JADE3: variants seen among roughly 807,000 people sequenced by gnomAD.
JADE3 encodes protein Jade-3.
A neutral mutation model predicts 50.1 loss-of-function variants in JADE3; 2 were observed. That is an observed-to-expected ratio of 0.04 (90% confidence interval 0.02 to 0.13). The LOEUF is 0.13. Among genes scored for constraint, JADE3 ranks in the 10% least tolerant of loss-of-function variants. JADE3 has a pLI of 1.00. For synonymous variants in JADE3, 218 were observed against 232.9 expected (o/e 0.94, Z 0.58); for missense variants, 475 against 634.4 (o/e 0.75, Z 2.70).
At chrX:46,930,284 A>G (rs1926462273) in intron 1 of JADE3, among the ~76,000 whole-genome samples, 1 of 111,993 alleles carries the variant, frequency 8.9e-6, no homozygotes, top group Non-Finnish European at 1.9e-5. Context: ...CCAGTCATCA[A>G]CCAGCCATCA....
At chrX:46,917,888 C>CTCT (rs1569533793) in intron 1 of JADE3, among the ~76,000 whole-genome samples, 69 of 69,759 alleles carry the variant, frequency 9.9e-4, no homozygotes, top group African/African-American at 3.8e-3. Flanking sequence ...TCTCTCTCAT[C>CTCT]CTCTCTCTCT....
intron 4 of JADE3, among the ~76,000 whole-genome samples, chrX:47,012,445 G>C (rs1052847880): frequency 1.2e-4 from 13 of 110,576 alleles, no homozygotes; most frequent in Middle Eastern, 8.5e-3. Flanking sequence ...GCTAGCCATG[G>C]TGGCGCATAC....
rs782691987 is a variant in JADE3 at position 46,998,188 on chromosome X, T to C, written c.195T>C (p.Tyr65=). The C allele has an allele frequency of 8.5e-5, 102 of 1,201,174 alleles. No individual in the cohort carries two copies. In the East Asian group the frequency reaches 3.0e-3, roughly 35 times the overall value. Residue 65 remains tyrosine (Y), a synonymous_variant, in exon 4 of 11, where the codon TAT becomes TAC. Coordinates refer to ENST00000614628, the MANE Select transcript of JADE3 (RefSeq NM_014735.5). ...PDSHHINPDS[Y]YLFADTWKEE... is the part of the protein sequence containing the mutation. ...CTCACCACATTAATCCTGATAGCTA[T>C]TACCTCTTTGCTGATACATGGAAGG... is the stretch of plus-strand genomic sequence containing the variant.
chrX:47,042,934 G>A lies in JADE3; in HGVS notation c.972+3869G>A, dbSNP rs1929295616. Among the ~76,000 whole-genome samples the A allele has an allele frequency of 2.7e-5, 3 of 111,881 alleles. No homozygotes were observed. In the South Asian group the frequency reaches 1.1e-3, roughly 41 times the overall value. On this transcript the variant is annotated intron_variant, in intron 8 of 10. Transcript: ENST00000614628. The stretch of plus-strand genomic sequence containing the variant: ...GTGCTGGCTTTAGATCTGACTGGGT[G>A]CAGTCCCAGTGGTGGTGGCCATAGG...
chrX:47,001,031 C>T (rs1180217135), intron 4 of JADE3, among the ~76,000 whole-genome samples: 1 of 111,465 alleles, frequency 9.0e-6, no homozygotes, highest in Non-Finnish European at 1.9e-5. Context: ...TAGTTCTTTG[C>T]CTATCATACG....
At chrX:46,992,628 G>A (rs1556356288) in intron 3 of JADE3, among the ~76,000 whole-genome samples, 1 of 111,379 alleles carries the variant, frequency 9.0e-6, no homozygotes, top group African/African-American at 3.3e-5. Context: ...TTATAAAAAC[G>A]GGAGGTTGTT....
In JADE3 at chrX:47,058,841, T is replaced by C. The variant is rs35292182; in HGVS notation, c.2236T>C (p.Phe746Leu). 7.4e-3 allele frequency: 8,949 copies of C among 1,207,708 alleles called. 33 individuals carry two copies. Among genetic ancestry groups the C allele is most frequent in the Non-Finnish European group, 9.4e-3 (8,390 of 893,259 alleles). ...CAAGAATATGAGCCCCAAGGAGCAG[T>C]TCTGGGGTAGACAGGTTCTCAGGCG... ...PTKNMSPKEQ[F>L]WGRQVLRRSA... is the part of the protein sequence containing the mutation. Residue 746 changes from phenylalanine to leucine, a missense_variant, in exon 11 of 11, where the codon TTC (phenylalanine) becomes CTC (leucine). Around this residue, in one of 6 missense-constraint regions of JADE3, gnomAD observed 243 missense variants for 238.2 expected, o/e 1.02. Transcript: ENST00000614628.
chrX:47,027,546 T>C (rs1304968414), intron 5 of JADE3, among the ~76,000 whole-genome samples: 1 of 111,987 alleles, frequency 8.9e-6, no homozygotes, highest in Non-Finnish European at 1.9e-5. Context: ...TCCAGAATTA[T>C]AAAGCTTGGT....
In JADE3 at chrX:47,020,164, C is replaced by T. The variant is rs186341824; in HGVS notation, c.285-4560C>T. 6.3e-5 allele frequency among the ~76,000 whole-genome samples: 7 copies of T among 111,201 alleles called. No individual in the cohort carries two copies. The East Asian group carries it at 1.7e-3, about 27-fold the overall frequency. On this transcript the variant is annotated intron_variant, in intron 4 of 10. Coordinates refer to ENST00000614628, the MANE Select transcript of JADE3 (RefSeq NM_014735.5). ...TGGCCAACATGGTGAAACCCCATCT[C>T]TGCTAAAAATACAAAAATTAGCCTG...
At chrX:46,932,431 T>C (rs1926517314) in intron 1 of JADE3, among the ~76,000 whole-genome samples, 4 of 112,480 alleles carry the variant, frequency 3.6e-5, no homozygotes, top group Admixed American at 1.9e-4. Context: ...TTTAGCAATT[T>C]TATTCGAGCA....
At position 46,998,399 on chromosome X, in the gene JADE3, C is replaced by G. The variant is rs972326525; in HGVS notation, c.284+122C>G. 3 of 590,325 alleles carry G rather than the reference C, an allele frequency of 5.1e-6. No individual in the cohort carries two copies. The African/African-American group carries it at 6.9e-5, about 13-fold the overall frequency. 48.6% of individuals were successfully genotyped at this position (590,325 alleles called of 1,213,427 possible). On this transcript the variant is annotated intron_variant, in intron 4 of 10. Transcript: ENST00000614628. ...AGTACAAAGTCACATACCATTTTCA[C>G]CAATTCACTCAGACCAGTGGCAGAT...
chrX:46,970,945 A>G (rs1388936329), intron 1 of JADE3, among the ~76,000 whole-genome samples: 1 of 110,683 alleles, frequency 9.0e-6, no homozygotes, highest in Non-Finnish European at 1.9e-5. Context: ...TTCTATCTGG[A>G]GAAAGAATTG....
chrX:46,976,405 T>A (rs1927628532), intron 1 of JADE3, among the ~76,000 whole-genome samples: 1 of 111,980 alleles, frequency 8.9e-6, no homozygotes, highest in Non-Finnish European at 1.9e-5. Context: ...ACTCCAGACA[T>A]TTGTATTTTG....
rs1928876008 is a variant in JADE3, at chrX:47,024,876, T to C, written c.437T>C (p.Phe146Ser). 1 of 1,199,116 alleles carries C rather than the reference T, an allele frequency of 8.3e-7. No homozygotes were observed. The highest frequency in any genetic ancestry group is 1.8e-5 in the African/African-American group (1 of 56,998). ...TATGACCTAGATGACATGGACATCT[T>C]CTGGCTTCAGGAACTCAATGAAGAC... The part of the protein sequence containing the change: ...CRYDLDDMDI[F>S]WLQELNEDLA... The change falls in exon 5 of 11, where the codon TTC (phenylalanine) becomes TCC (serine). Residue 146 changes from phenylalanine (F) to serine (S), a missense_variant. Transcript: ENST00000614628.
At position 47,061,169 on chromosome X, in the gene JADE3, C is replaced by T. The variant is rs1556375268; in HGVS notation, c.*2092C>T. The T allele has an allele frequency of 1.8e-5, 2 of 111,646 alleles. No individual in the cohort carries two copies. The highest frequency in any genetic ancestry group is 3.8e-5 in the Non-Finnish European group (2 of 53,082). 9.2% of individuals were successfully genotyped at this position (111,646 alleles called of 1,213,427 possible). A position where few individuals can be genotyped will look rare whatever the true frequency, so the allele number is the denominator to read the frequency against. On this transcript the variant is annotated 3_prime_UTR_variant, in exon 11 of 11. Coordinates refer to ENST00000614628, the MANE Select transcript of JADE3 (RefSeq NM_014735.5). ...ATTTTGTCTTATATAGTCCAGTTTT[C>T]CAAGATAAGCTCAGTCCTTTTTCAA...
intron 1 of JADE3, among the ~76,000 whole-genome samples, chrX:46,954,957 G>A (rs191812292): frequency 3.6e-4 from 40 of 112,466 alleles, no homozygotes; most frequent in African/African-American, 1.2e-3. Context: ...AACCTTCTAG[G>A]CATATATTAA....
At position 47,006,255 on chromosome X, in the gene JADE3, A is replaced by G. The variant is rs182502983; in HGVS notation, c.284+7978A>G. On this transcript the variant is annotated intron_variant, in intron 4 of 10. Coordinates refer to ENST00000614628, the MANE Select transcript of JADE3 (RefSeq NM_014735.5). ...TTTTCTTGCTATAGGTTGGTCAGTT[A>G]TCTTGATCATTTCACAGAACACTCT... Among the ~76,000 whole-genome samples, 577 of 109,888 alleles carry G rather than the reference A, an allele frequency of 5.3e-3. 2 individuals are homozygous for G. The highest frequency in any genetic ancestry group is 0.024 in the South Asian group (62 of 2,554).
intron 1 of JADE3, among the ~76,000 whole-genome samples, chrX:46,948,578 G>A (rs1232042908): frequency 8.9e-6 from 1 of 112,196 alleles, no homozygotes; most frequent in Non-Finnish European, 1.9e-5. Context: ...GAGAGAGAAT[G>A]CAAAGAAGGA....
chrX:46,949,230 T>C lies in JADE3; in HGVS notation c.-11-35654T>C, dbSNP rs369220799. ...CTGGGATTATAGGCATGAGCCACCA[T>C]GCCCAGCCAAATCTACTCTACTAGT... On this transcript the variant is annotated intron_variant, in intron 1 of 10. Coordinates refer to ENST00000614628, the MANE Select transcript of JADE3 (RefSeq NM_014735.5). 6.2e-4 allele frequency among the ~76,000 whole-genome samples: 70 copies of C among 112,047 alleles called. No individual in the cohort carries two copies. The South Asian group carries it at 0.024, about 38-fold the overall frequency.
Sources: allele counts gnomAD v4.1 joint callset (sites outside exome capture counted in the v4.1 genomes callset), GRCh38; gene constraint gnomAD v4.1.1; regional missense constraint gnomAD v4.1.1; transcripts MANE v1.5; gene names NCBI Gene and HGNC (gene_info 2026-07-23, HGNC 2026-07-21).